The following STK33 variants were observed in gnomAD, a reference collection of about 807,000 sequenced individuals.
The protein encoded by STK33 is serine/threonine kinase 33.
A neutral mutation model predicts 58.0 loss-of-function variants in STK33; 52 were observed. The ratio of observed to expected loss-of-function variants is 0.90; its 90% CI spans 0.72 to 1.13. The LOEUF (loss-of-function observed/expected upper bound fraction) is 1.13, where lower values mean the gene tolerates loss of function less well. Ranked by LOEUF, STK33 falls within the 50% of genes most tolerant of loss-of-function variation. STK33 has a pLI of 0.00. For missense variants in STK33, 630 were observed against 604.2 expected (o/e 1.04, Z -0.45); for synonymous variants, 215 against 200.1 (o/e 1.07, Z -0.63).
At chr11:8,498,113 A>G (rs1951202368) in intron 1 of STK33, among the ~76,000 whole-genome samples, 1 of 152,238 alleles carries the variant, frequency 6.6e-6, no homozygotes, top group Non-Finnish European at 1.5e-5. Flanking sequence ...CATTATTAAT[A>G]CAATAAATGG....
chr11:8,455,523 ACACGGCCAGG>A (rs1946739813), intron 9 of STK33, among the ~76,000 whole-genome samples: 1 of 152,166 alleles, frequency 6.6e-6, no homozygotes, highest in Non-Finnish European at 1.5e-5. Flanking sequence ...AAAAAGTTAT[ACACGGCCAGG>A]CGCAGTGGCT....
intron 11 of STK33, among the ~76,000 whole-genome samples, chr11:8,449,859 T>G (rs952591738): frequency 1.3e-5 from 2 of 152,170 alleles, no homozygotes; most frequent in African/African-American, 4.8e-5. Context: ...GAGATACCAT[T>G]TCACGTCAGT....
At chr11:8,447,291 C>T (rs1320973227) in intron 11 of STK33, among the ~76,000 whole-genome samples, 5 of 152,168 alleles carry the variant, frequency 3.3e-5, no homozygotes, top group Non-Finnish European at 4.4e-5. Context: ...TTTTATGAGG[C>T]CAGCATCATC....
chr11:8,472,312 G>C (rs1278661206), intron 6 of STK33, among the ~76,000 whole-genome samples: 2 of 152,132 alleles, frequency 1.3e-5, no homozygotes, highest in African/African-American at 4.8e-5. Context: ...ATCATTTCAA[G>C]TAAGTTGCCA....
intron 1 of STK33, among the ~76,000 whole-genome samples, chr11:8,492,147 G>A (rs1237793379): frequency 6.6e-6 from 1 of 152,068 alleles, no homozygotes; most frequent in Non-Finnish European, 1.5e-5. Flanking sequence ...GACACAGACT[G>A]GCCAATGAGA....
chr11:8,533,236 G>A (rs112505300), intron 1 of STK33: 114 of 152,068 alleles, frequency 7.5e-4, no homozygotes, highest in African/African-American at 2.7e-3. Flanking sequence ...ATCAACAGCA[G>A]AAATTACATT....
rs578199911 is a variant in STK33, at chr11:8,550,392, G to A, written c.-466+43691C>T. Among the ~76,000 whole-genome samples, 226 of 151,908 alleles carry A rather than the reference G, an allele frequency of 1.5e-3. 2 individuals are homozygous for A. The highest frequency in any genetic ancestry group is 5.2e-3 in the African/African-American group (216 of 41,434). On this transcript the variant is annotated intron_variant, in intron 1 of 15. Transcript: ENST00000687296. ...AAACTCCTGACCTTGTGATCCACCC[G>A]CCTCAGCCTCCCAAAGTGCTAGGAT...
the STK33 span, among the ~76,000 whole-genome samples, chr11:8,347,883 C>G: frequency 6.6e-6 from 1 of 152,214 alleles, no homozygotes; most frequent in Non-Finnish European, 1.5e-5. Flanking sequence ...GGGCAGAGGC[C>G]CTGCAAGGCT....
At chr11:8,427,953 C>T (rs1436636689) in intron 14 of STK33, among the ~76,000 whole-genome samples, 3 of 152,186 alleles carry the variant, frequency 2.0e-5, no homozygotes, top group African/African-American at 2.4e-5. Context: ...AGCATTGGCA[C>T]CCCAGAAGAC....
At chr11:8,441,388 A>G (rs1200509589) in intron 11 of STK33, among the ~76,000 whole-genome samples, 2 of 151,294 alleles carry the variant, frequency 1.3e-5, no homozygotes, top group East Asian at 1.9e-4. Flanking sequence ...GTCTCACTCT[A>G]TTGTCCAGGC....
At chr11:8,589,591 C>T (rs1341887539) in intron 1 of STK33, among the ~76,000 whole-genome samples, 2 of 152,048 alleles carry the variant, frequency 1.3e-5, no homozygotes, top group African/African-American at 2.4e-5. Flanking sequence ...GTTATGATTG[C>T]TAGTGTCACT....
chr11:8,540,996 A>C (rs11041970), intron 1 of STK33, among the ~76,000 whole-genome samples: 1,429 of 111,436 alleles, frequency 0.013, 6 homozygotes, highest in Middle Eastern at 0.024. Flanking sequence ...CTCTCTCTCT[A>C]TATATATATA....
At chr11:8,439,558 C>T (rs888602916) in intron 12 of STK33, among the ~76,000 whole-genome samples, 3 of 151,752 alleles carry the variant, frequency 2.0e-5, no homozygotes, top group East Asian at 1.9e-4. Context: ...AATAGAAGGC[C>T]TTAATGTTTG....
chr11:8,405,871 G>A (rs1023375867), intron 15 of STK33, among the ~76,000 whole-genome samples: 29 of 152,020 alleles, frequency 1.9e-4, no homozygotes, highest in African/African-American at 5.1e-4. Context: ...GGCCGGGCGC[G>A]GTGGCTCACG....
At chr11:8,502,256 A>G (rs1241722274) in intron 1 of STK33, among the ~76,000 whole-genome samples, 1 of 152,172 alleles carries the variant, frequency 6.6e-6, no homozygotes, top group Non-Finnish European at 1.5e-5. Flanking sequence ...GGCTACAGTA[A>G]CCAAAAAAGC....
At chr11:8,567,250 C>T (rs1199986079) in intron 1 of STK33, 2 of 152,156 alleles carry the variant, frequency 1.3e-5, no homozygotes, top group Non-Finnish European at 2.9e-5. Context: ...TCAGAGCTCA[C>T]CTCTGCCACT....
chr11:8,559,152 T>C (rs1480298658), intron 1 of STK33, among the ~76,000 whole-genome samples: 1 of 152,192 alleles, frequency 6.6e-6, no homozygotes, highest in Non-Finnish European at 1.5e-5. Flanking sequence ...ATAGCACTGG[T>C]AAATACAGCA....
At chr11:8,576,739 C>T (rs1015227700) in intron 1 of STK33, among the ~76,000 whole-genome samples, 9 of 152,132 alleles carry the variant, frequency 5.9e-5, no homozygotes, top group Non-Finnish European at 8.8e-5. Flanking sequence ...CAGAGAGGTT[C>T]GGTAATTTGC....
intron 15 of STK33, among the ~76,000 whole-genome samples, chr11:8,410,683 G>A (rs1940093908): frequency 6.6e-6 from 1 of 151,916 alleles, no homozygotes. Flanking sequence ...ATGTTGTCCA[G>A]GCTGGTGTTG....
Sources: allele counts gnomAD v4.1 joint callset (sites outside exome capture counted in the v4.1 genomes callset), GRCh38; gene constraint gnomAD v4.1.1; transcripts MANE v1.5; gene names NCBI Gene and HGNC (gene_info 2026-07-23, HGNC 2026-07-21).